The following ODAD2 variants were observed in gnomAD, a reference collection of about 807,000 sequenced individuals.
ODAD2 encodes outer dynein arm-docking complex subunit 2.
ODAD2 carries 89 observed loss-of-function variants against 106.8 expected under a neutral mutation model. The observed-to-expected ratio is 0.83, with a 90% CI of 0.70 to 0.99. The LOEUF (loss-of-function observed/expected upper bound fraction) is 0.99. ODAD2 is among the 50% of genes least tolerant of loss of function. ODAD2 has a pLI of 0.00. For missense variants in ODAD2, 1,168 were observed against 1,238.5 expected (o/e 0.94, Z 0.85); for synonymous variants, 404 against 436.2 (o/e 0.93, Z 0.92).
intron 15 of ODAD2, 104 bp from the exon 16 acceptor site, chr10:27,935,356 T>C (rs1845899326): frequency 1.4e-6 from 2 of 1,393,640 alleles, no homozygotes; most frequent in South Asian, 1.4e-5. Context: ...ATACAGATAT[T>C]ATTAAATCCC....
intron 12 of ODAD2, among the ~76,000 whole-genome samples, chr10:27,943,795 CAAAAAAAAAAAAAAAA>C (rs56059926): frequency 4.3e-4 from 25 of 58,642 alleles, no homozygotes; most frequent in South Asian, 8.0e-4. Context: ...GGCTCTGTCT[CAAAAAAAAAAAAAAAA>C]AAAAAAAAAA....
chr10:27,838,493 A>G (rs1374997404), intron 19 of ODAD2, among the ~76,000 whole-genome samples: 2 of 152,206 alleles, frequency 1.3e-5, no homozygotes, highest in Non-Finnish European at 2.9e-5. Flanking sequence ...AAGTTTAAAG[A>G]CTGACTGCAC....
intron 19 of ODAD2, among the ~76,000 whole-genome samples, chr10:27,854,442 C>T (rs986459342): frequency 3.9e-5 from 6 of 152,014 alleles, no homozygotes; most frequent in Non-Finnish European, 7.4e-5. Flanking sequence ...CAACCCAAAC[C>T]GGAAATAAAT....
intron 7 of ODAD2, among the ~76,000 whole-genome samples, chr10:27,976,704 C>T (rs1214404418): frequency 3.9e-5 from 6 of 152,146 alleles, no homozygotes; most frequent in African/African-American, 1.4e-4. Context: ...GCAATCTCAA[C>T]CGTAATTCCA....
chr10:27,843,505 C>T (rs1229799254), intron 19 of ODAD2, among the ~76,000 whole-genome samples: 2 of 152,164 alleles, frequency 1.3e-5, no homozygotes, highest in African/African-American at 4.8e-5. Flanking sequence ...GTGGCTCACG[C>T]CTGTAATTCC....
At chr10:27,905,152 T>A in intron 17 of ODAD2, 1 of 212,864 alleles carries the variant, frequency 4.7e-6, no homozygotes, top group Admixed American at 4.2e-5. Context: ...AAGGGCCAAG[T>A]GATTCAGTTC....
At chr10:27,922,137 G>C (rs1844836150) in intron 16 of ODAD2, among the ~76,000 whole-genome samples, 1 of 129,516 alleles carries the variant, frequency 7.7e-6, no homozygotes, top group East Asian at 2.2e-4. Context: ...CTGGGTGACA[G>C]AGTGAAACTC....
chr10:27,875,023 G>C (rs931202642), intron 17 of ODAD2, among the ~76,000 whole-genome samples: 2 of 152,088 alleles, frequency 1.3e-5, no homozygotes, highest in Admixed American at 1.3e-4. Context: ...TTTTCACATA[G>C]TCCCATATTT....
chr10:27,896,946 G>A (rs184171788), intron 17 of ODAD2, among the ~76,000 whole-genome samples: 15 of 151,456 alleles, frequency 9.9e-5, no homozygotes, highest in African/African-American at 2.4e-4. Flanking sequence ...TTCATTTCTC[G>A]CTCCAGTGCC....
chr10:27,823,095 G>T (rs1292159611), intron 19 of ODAD2, among the ~76,000 whole-genome samples: 1 of 152,138 alleles, frequency 6.6e-6, no homozygotes, highest in Non-Finnish European at 1.5e-5. Flanking sequence ...GTGGGACATT[G>T]CTCAGCACCC....
rs1383064044 is a variant in ODAD2 at position 27,866,559 on chromosome 10, TAA to T, written c.2611-3939_2611-3938del. 3.3e-5 allele frequency among the ~76,000 whole-genome samples: 5 copies of T among 152,262 alleles called. No homozygotes were observed. In the East Asian group the frequency reaches 9.7e-4, roughly 29 times the overall value. On this transcript the variant is annotated intron_variant, in intron 17 of 19. Coordinates refer to ENST00000305242, the MANE Select transcript of ODAD2 (RefSeq NM_018076.5). Reference sequence around the variant, plus strand: ...ATTACTGGGTAATTTATAAAGAAGATAAGTTTATTTGGCTTATGGTTCTGCAG... The same window carrying T: ...ATTACTGGGTAATTTATAAAGAAGATGTTTATTTGGCTTATGGTTCTGCAG...
intron 16 of ODAD2, among the ~76,000 whole-genome samples, chr10:27,921,877 G>A (rs1271613794): frequency 6.8e-6 from 1 of 146,102 alleles, no homozygotes; most frequent in Non-Finnish European, 1.5e-5. Flanking sequence ...TGGGAATCAA[G>A]AACTTTAGGC....
At chr10:27,856,847 A>G (rs1839690134) in intron 19 of ODAD2, among the ~76,000 whole-genome samples, 1 of 152,202 alleles carries the variant, frequency 6.6e-6, no homozygotes, top group African/African-American at 2.4e-5. Flanking sequence ...GGTGCCTGTA[A>G]TCCCAGCTAC....
chr10:27,845,442 A>G (rs1029034882), intron 19 of ODAD2, among the ~76,000 whole-genome samples: 3 of 152,236 alleles, frequency 2.0e-5, no homozygotes, highest in Non-Finnish European at 4.4e-5. Context: ...GGAAAGGAAC[A>G]GCTGGTACCA....
chr10:27,835,144 G>A (rs1837771945), intron 19 of ODAD2, among the ~76,000 whole-genome samples: 1 of 152,200 alleles, frequency 6.6e-6, no homozygotes, highest in Non-Finnish European at 1.5e-5. Flanking sequence ...CCACCAGCAG[G>A]CCCTTGGAGG....
chr10:27,958,426 T>G (rs561516003), intron 10 of ODAD2, among the ~76,000 whole-genome samples: 4 of 152,196 alleles, frequency 2.6e-5, no homozygotes, highest in African/African-American at 2.4e-5. Flanking sequence ...ACTCTCTCAC[T>G]CCGTGCCTGC....
chr10:27,920,373 C>G (rs1363790671), intron 16 of ODAD2, among the ~76,000 whole-genome samples: 2 of 152,100 alleles, frequency 1.3e-5, no homozygotes, highest in Non-Finnish European at 2.9e-5. Flanking sequence ...TACTGAGAAG[C>G]CCACTCACAG....
At chr10:27,931,747 A>G (rs1845631998) in intron 16 of ODAD2, among the ~76,000 whole-genome samples, 1 of 148,188 alleles carries the variant, frequency 6.7e-6, no homozygotes, top group South Asian at 2.2e-4. Flanking sequence ...AAGGAATTTC[A>G]AGGTGGCAAC....
At chr10:27,940,913 A>G in intron 12 of ODAD2, 108 bp from the exon 13 acceptor site, 1 of 1,200,002 alleles carries the variant, frequency 8.3e-7, no homozygotes, top group Non-Finnish European at 1.2e-6. Context: ...GTCAAAAACA[A>G]GAATGCTTTA....
Sources: allele counts gnomAD v4.1 joint callset (sites outside exome capture counted in the v4.1 genomes callset), GRCh38; gene constraint gnomAD v4.1.1; transcripts MANE v1.5; gene names NCBI Gene and HGNC (gene_info 2026-07-23, HGNC 2026-07-21).